BMPR1B: variants seen among roughly 807,000 people sequenced by gnomAD.
The protein encoded by BMPR1B is bone morphogenetic protein receptor type-1B.
BMPR1B carries 12 observed loss-of-function variants against 59.1 expected under a neutral mutation model. The ratio of observed to expected loss-of-function variants is 0.20; its 90% CI spans 0.13 to 0.33. BMPR1B has a LOEUF of 0.33. BMPR1B is among the 10% of genes least tolerant of loss of function. The probability of loss-of-function intolerance (pLI) is 1.00; values close to 1 mark genes in which losing one functional copy is unlikely to be tolerated. For synonymous variants in BMPR1B, 237 were observed against 207.3 expected (o/e 1.14, Z -1.23); for missense variants, 550 against 610.9 (o/e 0.90, Z 1.05).
At chr4:94,973,363 A>G (rs1231897206) in intron 2 of BMPR1B, among the ~76,000 whole-genome samples, 3 of 152,122 alleles carry the variant, frequency 2.0e-5, no homozygotes, top group African/African-American at 7.2e-5. Context: ...GAATTAAAGG[A>G]TGGTAACTGT....
intron 1 of BMPR1B, among the ~76,000 whole-genome samples, chr4:94,874,055 G>A (rs1321269193): frequency 6.6e-6 from 1 of 152,108 alleles, no homozygotes; most frequent in Non-Finnish European, 1.5e-5. Context: ...ATTTTACTTA[G>A]CATGATGTCT....
intron 2 of BMPR1B, among the ~76,000 whole-genome samples, chr4:94,917,862 C>T (rs577810109): frequency 6.6e-6 from 1 of 152,112 alleles, no homozygotes; most frequent in Non-Finnish European, 1.5e-5. Flanking sequence ...GGAGGTGAGA[C>T]CTGGTGGGAG....
intron 2 of BMPR1B, among the ~76,000 whole-genome samples, chr4:94,953,894 A>G (rs941186353): frequency 1.3e-5 from 2 of 152,146 alleles, no homozygotes; most frequent in Non-Finnish European, 2.9e-5. Flanking sequence ...CAGGTATACC[A>G]GTGGAACATA....
chr4:95,081,564 G>T (rs931842039), intron 3 of BMPR1B, among the ~76,000 whole-genome samples: 1 of 151,998 alleles, frequency 6.6e-6, no homozygotes, highest in African/African-American at 2.4e-5. Context: ...TTTTTTTCCA[G>T]ATGGCCAGTG....
At chr4:95,138,462 A>G (rs987799353) in intron 10 of BMPR1B, among the ~76,000 whole-genome samples, 2 of 152,112 alleles carry the variant, frequency 1.3e-5, no homozygotes, top group African/African-American at 4.8e-5. Context: ...TTGCCTTGCT[A>G]GGTTGGGGAA....
At chr4:94,847,567 A>T (rs1240337703) in intron 1 of BMPR1B, among the ~76,000 whole-genome samples, 1 of 152,102 alleles carries the variant, frequency 6.6e-6, no homozygotes, top group African/African-American at 2.4e-5. Flanking sequence ...ATGGATAAGG[A>T]AAATATGGTA....
At chr4:94,971,790 G>A (rs1730802093) in intron 2 of BMPR1B, among the ~76,000 whole-genome samples, 1 of 151,704 alleles carries the variant, frequency 6.6e-6, no homozygotes, top group South Asian at 2.1e-4. Flanking sequence ...TGGAAGTTTG[G>A]ACAGTTTATT....
At chr4:95,093,599 A>G (rs1730157188) in intron 3 of BMPR1B, among the ~76,000 whole-genome samples, 1 of 151,700 alleles carries the variant, frequency 6.6e-6, no homozygotes, top group South Asian at 2.1e-4. Context: ...TACTCTTCTT[A>G]TGTTTTTTTA....
intron 1 of BMPR1B, among the ~76,000 whole-genome samples, chr4:94,781,041 A>G (rs1005773313): frequency 3.9e-5 from 6 of 152,044 alleles, no homozygotes; most frequent in South Asian, 4.1e-4. Flanking sequence ...GTACTGTGTC[A>G]TTGTGGCATT....
chr4:95,113,755 C>T (rs564386831), intron 4 of BMPR1B, among the ~76,000 whole-genome samples: 2 of 152,210 alleles, frequency 1.3e-5, no homozygotes, highest in African/African-American at 4.8e-5. Flanking sequence ...AAGGGCATAG[C>T]AGAAAACACA....
At chr4:94,883,404 C>T (rs1040144132) in intron 2 of BMPR1B, among the ~76,000 whole-genome samples, 2 of 152,124 alleles carry the variant, frequency 1.3e-5, no homozygotes, top group Non-Finnish European at 2.9e-5. Context: ...TCTCTCTCTG[C>T]TACTAATCAG....
intron 1 of BMPR1B, among the ~76,000 whole-genome samples, chr4:94,813,188 A>G (rs1213307298): frequency 6.6e-6 from 1 of 152,196 alleles, no homozygotes; most frequent in Non-Finnish European, 1.5e-5. Flanking sequence ...GAAACAGACA[A>G]TGTATGAAAT....
intron 3 of BMPR1B, among the ~76,000 whole-genome samples, chr4:95,080,303 C>T (rs1218855934): frequency 3.3e-5 from 5 of 152,104 alleles, no homozygotes; most frequent in Non-Finnish European, 7.3e-5. Flanking sequence ...GTGGTACGAT[C>T]TCGGCTCACT....
chr4:94,987,040 C>CCA (rs1721450847), intron 2 of BMPR1B, among the ~76,000 whole-genome samples: 2 of 14,770 alleles, frequency 1.4e-4, no homozygotes, highest in East Asian at 1.8e-3. Context: ...GACTCTGTCT[C>CCA]AAAAAAAATA....
chr4:94,915,595 G>A (rs1473403900), intron 2 of BMPR1B, among the ~76,000 whole-genome samples: 1 of 151,992 alleles, frequency 6.6e-6, no homozygotes, highest in Non-Finnish European at 1.5e-5. Flanking sequence ...TTTTGAAATC[G>A]ACACAATTAA....
rs756258100 is a variant in BMPR1B, at chr4:95,152,753, A to G, written c.1363A>G (p.Asn455Asp). 8 of 1,611,802 alleles carry G rather than the reference A, an allele frequency of 5.0e-6. No homozygotes were observed. Among genetic ancestry groups the G allele is most frequent in the Non-Finnish European group, 6.8e-6 (8 of 1,179,100 alleles). Reference protein sequence around the residue: ...CIKKLRPSFPNRWSSDECLRQ... With the variant: ...CIKKLRPSFPDRWSSDECLRQ... ...CAAGAAGTTACGCCCCTCATTCCCA[A>G]ACCGGTGGAGCAGTGATGAGGTAAG... The change falls in exon 12 of 13, where the codon AAC becomes GAC. Residue 455 changes from asparagine (N) to aspartate (D), a missense_variant. Around this residue, in one of 6 missense-constraint regions of BMPR1B, gnomAD observed 123 missense variants for 164.6 expected, o/e 0.75. Coordinates refer to ENST00000515059, the MANE Select transcript of BMPR1B (RefSeq NM_001203.3).
At chr4:95,104,373 C>CA (rs1731047982) in intron 3 of BMPR1B, 35 bp from the exon 4 acceptor site, 1 of 1,609,664 alleles carries the variant, frequency 6.2e-7, no homozygotes. Flanking sequence ...TAGTCTACCC[C>CA]ACAGATGCCT....
intron 3 of BMPR1B, chr4:95,051,839 T>C (rs1021552143): frequency 6.8e-7 from 1 of 1,471,944 alleles, no homozygotes; most frequent in Non-Finnish European, 9.2e-7. Context: ...TTCGTGGCTT[T>C]TATCGCAGAA....
At chr4:94,889,783 A>G (rs986796069) in intron 2 of BMPR1B, among the ~76,000 whole-genome samples, 13 of 152,144 alleles carry the variant, frequency 8.5e-5, no homozygotes, top group African/African-American at 2.2e-4. Flanking sequence ...AAGTGACTCT[A>G]GGTTTTTTGG....
Sources: gnomAD v4.1 joint callset for allele counts (sites outside exome capture counted in the v4.1 genomes callset) on GRCh38, gnomAD v4.1.1 for gene constraint, gnomAD v4.1.1 regional missense constraint, MANE v1.5 for transcripts, NCBI Gene and HGNC (gene_info 2026-07-23, HGNC 2026-07-21) for gene names.